SLC24A3: variants seen among roughly 807,000 people sequenced by gnomAD.
SLC24A3 encodes the protein solute carrier family 24 member 3.
SLC24A3 carries 28 observed loss-of-function variants against 75.8 expected under a neutral mutation model. The observed-to-expected ratio is 0.37, with a 90% CI of 0.27 to 0.51. The LOEUF (loss-of-function observed/expected upper bound fraction) is 0.51, where lower values mean the gene tolerates loss of function less well. SLC24A3 is among the 20% of genes least tolerant of loss of function. The pLI, the probability that SLC24A3 is intolerant of heterozygous loss-of-function variation, is 0.94. For synonymous variants in SLC24A3, 372 were observed against 334.1 expected (o/e 1.11, Z -1.24); for missense variants, 663 against 847.8 (o/e 0.78, Z 2.71).
At chr20:19,287,687 C>G (rs1364125852) in intron 2 of SLC24A3, among the ~76,000 whole-genome samples, 1 of 152,208 alleles carries the variant, frequency 6.6e-6, no homozygotes, top group East Asian at 1.9e-4. Context: ...ATCAATGAGG[C>G]AGAAATTGTC....
chr20:19,553,596 C>A (rs1221199737), intron 3 of SLC24A3, among the ~76,000 whole-genome samples: 2 of 152,132 alleles, frequency 1.3e-5, no homozygotes, highest in South Asian at 2.1e-4. Context: ...TAAATAATAA[C>A]AGAATGACTG....
At chr20:19,224,797 T>C (rs1202243185) in intron 1 of SLC24A3, among the ~76,000 whole-genome samples, 1 of 152,164 alleles carries the variant, frequency 6.6e-6, no homozygotes, top group South Asian at 2.1e-4. Context: ...GCTTTCTGAT[T>C]CTTTGCTTAG....
At chr20:19,444,114 C>G (rs1568619620) in intron 2 of SLC24A3, among the ~76,000 whole-genome samples, 1 of 152,086 alleles carries the variant, frequency 6.6e-6, no homozygotes, top group South Asian at 2.1e-4. Flanking sequence ...CTTCTTTACC[C>G]TATGGATGTG....
intron 2 of SLC24A3, among the ~76,000 whole-genome samples, chr20:19,445,639 T>C (rs1237333939): frequency 6.6e-6 from 1 of 152,162 alleles, no homozygotes; most frequent in Non-Finnish European, 1.5e-5. Flanking sequence ...AAGTGGGATA[T>C]TCATCCGCAA....
chr20:19,697,727 A>G (rs1033257331), intron 14 of SLC24A3, among the ~76,000 whole-genome samples: 1 of 152,018 alleles, frequency 6.6e-6, no homozygotes, highest in Non-Finnish European at 1.5e-5. Context: ...ATGAAGCTCT[A>G]CTGTTGTCTA....
intron 6 of SLC24A3, among the ~76,000 whole-genome samples, chr20:19,625,910 A>G (rs1485501589): frequency 6.6e-6 from 1 of 152,026 alleles, no homozygotes; most frequent in East Asian, 1.9e-4. Context: ...GGCATTGTAA[A>G]TCTATTCATC....
chr20:19,554,972 C>A (rs1157374717), intron 3 of SLC24A3, among the ~76,000 whole-genome samples: 2 of 152,134 alleles, frequency 1.3e-5, no homozygotes, highest in African/African-American at 2.4e-5. Flanking sequence ...AGTTCCCTGT[C>A]CAGTTTTGCT....
chr20:19,545,634 G>T (rs2030575766), intron 3 of SLC24A3, among the ~76,000 whole-genome samples: 2 of 152,098 alleles, frequency 1.3e-5, no homozygotes, highest in East Asian at 1.9e-4. Flanking sequence ...CCCATCTTCT[G>T]GTCTAATCAC....
intron 10 of SLC24A3, among the ~76,000 whole-genome samples, chr20:19,683,754 T>C (rs969661389): frequency 1.3e-5 from 2 of 152,230 alleles, no homozygotes; most frequent in African/African-American, 4.8e-5. Context: ...AATTCTCTTA[T>C]GGTATCATTA....
intron 15 of SLC24A3, among the ~76,000 whole-genome samples, chr20:19,707,756 G>A (rs1489373257): frequency 1.3e-5 from 2 of 152,242 alleles, no homozygotes; most frequent in Non-Finnish European, 2.9e-5. Context: ...CATTCATGGA[G>A]ATGGGGAGAC....
Position 19,685,236 on chromosome 20 carries a change from G to C in SLC24A3, c.1199G>C (p.Arg400Thr). 1 of 1,614,172 alleles carries C rather than the reference G, an allele frequency of 6.2e-7. No homozygotes were observed. Among genetic ancestry groups the C allele is most frequent in the Non-Finnish European group, 8.5e-7 (1 of 1,180,046 alleles). ...GACAGGGGCGTGAATGGGACACGGA[G>C]GGACGATGTTGTGGCTGAGGCTGGC... ...APDRGVNGTR[R>T]DDVVAEAGNE... Residue 400 changes from arginine to threonine, a missense_variant, in exon 12 of 17, where the codon AGG becomes ACG. Around this residue, in one of 2 missense-constraint regions of SLC24A3, gnomAD observed 510 missense variants for 703.6 expected, o/e 0.72. Coordinates refer to ENST00000328041, the MANE Select transcript of SLC24A3 (RefSeq NM_020689.4).
At chr20:19,646,230 A>G (rs969554986) in intron 6 of SLC24A3, among the ~76,000 whole-genome samples, 3 of 152,320 alleles carry the variant, frequency 2.0e-5, no homozygotes, top group South Asian at 2.1e-4. Context: ...CCAAAATCTA[A>G]TAAGTATGGT....
At chr20:19,476,989 C>G (rs1474258960) in intron 2 of SLC24A3, among the ~76,000 whole-genome samples, 1 of 151,980 alleles carries the variant, frequency 6.6e-6, no homozygotes, top group Admixed American at 6.6e-5. Context: ...GTGGGTAAAC[C>G]CTACGGGTGT....
At chr20:19,584,275 G>A (rs2031262426) in intron 4 of SLC24A3, among the ~76,000 whole-genome samples, 1 of 152,096 alleles carries the variant, frequency 6.6e-6, no homozygotes, top group African/African-American at 2.4e-5. Flanking sequence ...CTTCTTTTCA[G>A]CCTTAAGCCC....
intron 2 of SLC24A3, among the ~76,000 whole-genome samples, chr20:19,375,379 G>A (rs1014552229): frequency 2.0e-4 from 30 of 152,080 alleles, no homozygotes; most frequent in Admixed American, 1.8e-3. Context: ...AAACTCACTG[G>A]CCCTCCCTTA....
At chr20:19,442,191 A>T (rs1413397019) in intron 2 of SLC24A3, among the ~76,000 whole-genome samples, 1 of 152,204 alleles carries the variant, frequency 6.6e-6, no homozygotes, top group African/African-American at 2.4e-5. Flanking sequence ...TTGTGTGGAT[A>T]TAAGTTTTCA....
At chr20:19,716,843 C>T (rs984643423) in intron 15 of SLC24A3, among the ~76,000 whole-genome samples, 1 of 152,084 alleles carries the variant, frequency 6.6e-6, no homozygotes, top group African/African-American at 2.4e-5. Flanking sequence ...CACTGCACCC[C>T]AGCCTGGGTA....
chr20:19,594,684 G>A (rs2031428328), intron 6 of SLC24A3, among the ~76,000 whole-genome samples: 1 of 152,168 alleles, frequency 6.6e-6, no homozygotes, highest in African/African-American at 2.4e-5. Context: ...AGGTAGGTGA[G>A]TGGGTGGGTG....
intron 10 of SLC24A3, among the ~76,000 whole-genome samples, chr20:19,682,731 A>C (rs1016499374): frequency 6.6e-6 from 1 of 152,248 alleles, no homozygotes; most frequent in African/African-American, 2.4e-5. Flanking sequence ...AGGTGTTATT[A>C]GTATATTACT....
Sources: allele counts gnomAD v4.1 joint callset (sites outside exome capture counted in the v4.1 genomes callset), GRCh38; gene constraint gnomAD v4.1.1; regional missense constraint gnomAD v4.1.1; transcripts MANE v1.5; gene names NCBI Gene and HGNC (gene_info 2026-07-23, HGNC 2026-07-21).